Variants in USP34 observed in about 807,000 individuals in gnomAD.
USP34 encodes ubiquitin specific peptidase 34, also known as ubiquitin carboxyl-terminal hydrolase 34.
Under a neutral mutation model 460.3 loss-of-function variants are expected in USP34, and 70 were observed. The observed-to-expected ratio is 0.15, with a 90% CI of 0.13 to 0.19. The LOEUF is 0.19. Among genes scored for constraint, USP34 ranks in the 10% least tolerant of loss-of-function variants. The pLI is 1.00. For missense variants in USP34, 3,985 were observed against 4,236.2 expected (o/e 0.94, Z 1.65); for synonymous variants, 1,647 against 1,405.3 (o/e 1.17, Z -3.85).
intron 8 of USP34, among the ~76,000 whole-genome samples, chr2:61,377,579 C>A (rs983359434): frequency 6.6e-6 from 1 of 152,068 alleles, no homozygotes; most frequent in Non-Finnish European, 1.5e-5. Flanking sequence ...GACCTCTCTA[C>A]CTCTTTCCAC....
At chr2:61,305,793 C>T (rs1224304645) in intron 27 of USP34, among the ~76,000 whole-genome samples, 3 of 151,344 alleles carry the variant, frequency 2.0e-5, no homozygotes, top group Non-Finnish European at 4.4e-5. Flanking sequence ...TTTTCCCCGT[C>T]GTTGGCTGTA....
chr2:61,287,287 G>A (rs72886814), intron 34 of USP34, among the ~76,000 whole-genome samples: 24,522 of 152,100 alleles, frequency 0.16, 2,498 homozygotes, highest in African/African-American at 0.28. Flanking sequence ...GACACGAGGT[G>A]AGGTTCTCAA....
intron 27 of USP34, among the ~76,000 whole-genome samples, chr2:61,302,442 T>A (rs529250644): frequency 1.3e-5 from 2 of 152,378 alleles, no homozygotes; most frequent in South Asian, 2.1e-4. Flanking sequence ...ACAATTTTTT[T>A]ATAAGTAAAT....
At chr2:61,320,965 T>C (rs1690901765) in intron 21 of USP34, among the ~76,000 whole-genome samples, 1 of 151,630 alleles carries the variant, frequency 6.6e-6, no homozygotes, top group East Asian at 2.0e-4. Context: ...AGCTGAGGCC[T>C]CACCACTGCA....
intron 10 of USP34, among the ~76,000 whole-genome samples, chr2:61,363,869 G>C (rs556330779): frequency 2.0e-5 from 3 of 152,240 alleles, no homozygotes; most frequent in South Asian, 2.1e-4. Flanking sequence ...GTCATAAAAG[G>C]AATGAAATTT....
chr2:61,353,260 C>A (rs939691961), intron 10 of USP34, among the ~76,000 whole-genome samples: 3 of 152,176 alleles, frequency 2.0e-5, no homozygotes, highest in Non-Finnish European at 4.4e-5. Context: ...ATTGTTTCAA[C>A]ACAAACCATC....
chr2:61,400,866 A>T (rs569496281), intron 3 of USP34, among the ~76,000 whole-genome samples: 1 of 152,246 alleles, frequency 6.6e-6, no homozygotes, highest in East Asian at 1.9e-4. Context: ...AAATTAAAAA[A>T]TAAGTCCAGG....
intron 21 of USP34, 44 bp from the exon 22 acceptor site, chr2:61,319,371 A>G: frequency 7.2e-7 from 1 of 1,394,028 alleles, no homozygotes; most frequent in East Asian, 2.8e-5. Flanking sequence ...ACTACATACA[A>G]AAAAATTAAA....
Position 61,214,138 on chromosome 2 carries a change from G to A in USP34, c.8604C>T (p.Phe2868=), listed in dbSNP as rs764633688. Residue 2868 remains phenylalanine, a synonymous_variant, in exon 68 of 80, where the codon TTC becomes TTT. Transcript: ENST00000398571. ...TCTGGTGAGAAGCCAGTTGTCGTGT[G>A]AATGCAGGAGACTGCTCACAGCAGA... The part of the protein sequence containing the change: ...LRLCCEQSPA[F]TRQLASHQNI... The A allele has an allele frequency of 1.9e-6, 3 of 1,614,238 alleles. No homozygotes were observed. The South Asian group carries it at 3.3e-5, about 18-fold the overall frequency.
chr2:61,395,034 G>C, intron 4 of USP34, 32 bp from the exon 5 acceptor site: 4 of 1,551,998 alleles, frequency 2.6e-6, no homozygotes, highest in African/African-American at 1.4e-5. Flanking sequence ...GTCATTATTT[G>C]AAAACGTACA....
In USP34 at chr2:61,278,861, A is replaced by G. The variant is rs1689453005; in HGVS notation, c.5257-418T>C. Among the ~76,000 whole-genome samples the G allele has an allele frequency of 2.6e-5, 4 of 152,284 alleles. No individual in the cohort carries two copies. In the South Asian group the frequency reaches 8.3e-4, roughly 32 times the overall value. On this transcript the variant is annotated intron_variant, in intron 39 of 79. Transcript: ENST00000398571. ...TTTATTGAGATGTAATTCACACACA[A>G]TTCACCGTTTGTTTTAAATAATACC...
chr2:61,377,875 C>T (rs768634371), intron 8 of USP34, among the ~76,000 whole-genome samples: 3 of 152,158 alleles, frequency 2.0e-5, no homozygotes, highest in Admixed American at 1.3e-4. Context: ...TGTTCGCATA[C>T]GCTTTTAAAA....
chr2:61,451,061 T>C (rs1041442749), intron 1 of USP34, among the ~76,000 whole-genome samples: 3 of 149,770 alleles, frequency 2.0e-5, no homozygotes, highest in African/African-American at 7.4e-5. Flanking sequence ...CTACTAAAAA[T>C]GTAAAAAAAA....
At chr2:61,259,685 C>CT (rs752646393) in intron 44 of USP34, 26 bp downstream of exon 44, 2 of 1,608,536 alleles carry the variant, frequency 1.2e-6, no homozygotes, top group Admixed American at 1.7e-5. Context: ...AGTGCCTGGC[C>CT]TAGCCTCCAT....
At chr2:61,414,235 G>A (rs1573017396) in intron 2 of USP34, among the ~76,000 whole-genome samples, 1 of 151,270 alleles carries the variant, frequency 6.6e-6, no homozygotes, top group African/African-American at 2.4e-5. Flanking sequence ...GCTACAGAGG[G>A]AGACTCCATC....
At chr2:61,295,378 A>C in intron 30 of USP34, 88 bp from the exon 31 acceptor site, 1 of 1,366,402 alleles carries the variant, frequency 7.3e-7, no homozygotes, top group Non-Finnish European at 9.7e-7. Flanking sequence ...CTACATAAAA[A>C]CTCAAAATAT....
At chr2:61,265,666 T>C (rs1201728819) in intron 42 of USP34, 109 bp from the exon 43 acceptor site, 3 of 870,716 alleles carry the variant, frequency 3.4e-6, no homozygotes, top group African/African-American at 1.8e-5. Flanking sequence ...CATTAATATA[T>C]ATAGAACATT....
Position 61,233,720 on chromosome 2 carries a change from G to C in USP34, c.7033-1188C>G, listed in dbSNP as rs531521097. Among the ~76,000 whole-genome samples, 24 of 152,180 alleles carry C rather than the reference G, an allele frequency of 1.6e-4. No homozygotes were observed. In the East Asian group the frequency reaches 4.6e-3, roughly 29 times the overall value. On this transcript the variant is annotated intron_variant, in intron 57 of 79. Transcript: ENST00000398571. ...TGTGCCTGTGGTCCCAGCTACTCGG[G>C]AGGCTGAGGGAGGAGGCTGAGGCAG...
intron 53 of USP34, among the ~76,000 whole-genome samples, chr2:61,238,488 C>G (rs1688137625): frequency 6.6e-6 from 1 of 152,154 alleles, no homozygotes; most frequent in South Asian, 2.1e-4. Flanking sequence ...CTTCTATTAT[C>G]TGTAAGAATC....
Sources: gnomAD v4.1 joint callset for allele counts (sites outside exome capture counted in the v4.1 genomes callset) on GRCh38, gnomAD v4.1.1 for gene constraint, MANE v1.5 for transcripts, NCBI Gene and HGNC (gene_info 2026-07-23, HGNC 2026-07-21) for gene names.